The following GALR2 variants were observed in gnomAD, a reference collection of about 807,000 sequenced individuals.
GALR2 encodes galanin receptor 2, also known as galanin receptor type 2.
A neutral mutation model predicts 7.2 loss-of-function variants in GALR2; 5 were observed. The ratio of observed to expected loss-of-function variants is 0.69; its 90% CI spans 0.36 to 1.45. The LOEUF (loss-of-function observed/expected upper bound fraction) is 1.45. Among genes scored for constraint, GALR2 ranks in the 40% most tolerant of loss-of-function variants. The pLI is 0.03. For synonymous variants in GALR2, 300 were observed against 263.9 expected, an observed-to-expected ratio of 1.14 and a Z score of -1.32; for missense variants, 561 against 555.7, an observed-to-expected ratio of 1.01 and a Z score of -0.10.
At chr17:76,074,752 G>C, upstream of GALR2, 1 of 1,019,610 alleles carries the variant, frequency 9.8e-7, no homozygotes, top group East Asian at 2.8e-5. This position sits in a 1 kb window ranked among gnomAD's most constrained non-coding sequence, Gnocchi z 6.7. Context: ...CCCCAGATGA[G>C]GCAAGGCTCC....
chr17:76,077,190 C>A lies in GALR2; in HGVS notation c.923C>A (p.Ala308Glu), dbSNP rs377747977. 6.2e-7 allele frequency: 1 copy of A among 1,610,252 alleles called. No individual in the cohort carries two copies. The highest frequency in any genetic ancestry group is 1.3e-5 in the African/African-American group (1 of 74,988). The change falls in exon 2 of 2, where the codon GCG becomes GAG. Residue 308 changes from alanine (A) to glutamate (E), a missense_variant. Physicochemically the swap from Ala to Glu is moderately radical, Grantham distance 107. Transcript: ENST00000329003. ...CGCAAAGGCTTCCGCACGATCTGCG[C>A]GGGCCTGCTGGGCCGTGCCCCAGGC... ...HFRKGFRTICAGLLGRAPGRA... is the reference protein window; with the variant it reads ...HFRKGFRTICEGLLGRAPGRA...
Position 76,076,465 on chromosome 17 carries a change from C to T in GALR2, c.369-171C>T, listed in dbSNP as rs1160386252. ...GAGTGTCTGGGACACGCTGGGAGGC[C>T]CCCACCTCCGCCCTCACGCCGAGCC... On this transcript the variant is annotated intron_variant, in intron 1 of 1. Transcript: ENST00000329003. This position sits in a 1 kb window ranked among gnomAD's most constrained non-coding sequence, Gnocchi z 6.5. Among the ~76,000 whole-genome samples the T allele has an allele frequency of 6.6e-6, 1 of 152,128 alleles. No individual in the cohort carries two copies. The highest frequency in any genetic ancestry group is 2.4e-5 in the African/African-American group (1 of 41,418).
At position 76,077,163 on chromosome 17, in the gene GALR2, T is replaced by A. The variant is rs1405588448; in HGVS notation, c.896T>A (p.Phe299Tyr). Residue 299 changes from phenylalanine (F) to tyrosine (Y), a missense_variant, in exon 2 of 2, where the codon TTC (phenylalanine) becomes TAC (tyrosine). Phe to Tyr is a conservative substitution (Grantham distance 22). Transcript: ENST00000329003. Reference sequence around the variant, plus strand: ...GTTTACGCGCTGGTCTCCAAGCACTTCCGCAAAGGCTTCCGCACGATCTGC... The same window carrying A: ...GTTTACGCGCTGGTCTCCAAGCACTACCGCAAAGGCTTCCGCACGATCTGC... ...PIVYALVSKH[F>Y]RKGFRTICAG... The A allele has an allele frequency of 6.2e-7, 1 of 1,612,382 alleles. No individual in the cohort carries two copies. Among genetic ancestry groups the A allele is most frequent in the South Asian group, 1.1e-5 (1 of 90,992 alleles).
Position 76,076,691 on chromosome 17 carries a change from G to T in GALR2, c.424G>T (p.Ala142Ser). The change falls in exon 2 of 2, where the codon GCG becomes TCG. Residue 142 changes from alanine to serine, a missense_variant. By Grantham distance (99) the Ala-to-Ser change is moderately conservative. Coordinates refer to ENST00000329003, the MANE Select transcript of GALR2 (RefSeq NM_003857.4). This position sits in a 1 kb window ranked among gnomAD's most constrained non-coding sequence, Gnocchi z 6.5. ...CCGCGAGCTGCGCACGCCTCGAAAC[G>T]CGCTGGCAGCCATCGGGCTCATCTG... ...HSRELRTPRN[A>S]LAAIGLIWGL... 6.2e-7 allele frequency: 1 copy of T among 1,601,298 alleles called. No homozygotes were observed. Among genetic ancestry groups the T allele is most frequent in the Non-Finnish European group, 8.5e-7 (1 of 1,178,592 alleles).
chr17:76,074,910 C>T lies in GALR2; in HGVS notation c.27C>T (p.Ala9=), dbSNP rs1391178178. ...TGAACGTCTCGGGCTGCCCAGGGGCCGGGAACGCGAGCCAGGCGGGCGGCG... is the reference window on the plus strand; with the variant it reads ...TGAACGTCTCGGGCTGCCCAGGGGCTGGGAACGCGAGCCAGGCGGGCGGCG... The part of the protein sequence containing the change: MNVSGCPG[A]GNASQAGGGG... Residue 9 remains alanine (A), a synonymous_variant, in exon 1 of 2, where the codon GCC becomes GCT. Transcript: ENST00000329003. The surrounding 1 kb of genome is among the most constrained non-coding windows in gnomAD (Gnocchi z 6.7). 1.9e-6 allele frequency: 3 copies of T among 1,539,616 alleles called. No individual in the cohort carries two copies. The highest frequency in any genetic ancestry group is 2.4e-5 in the East Asian group (1 of 41,188).
chr17:76,071,982 C>CA, upstream of GALR2: 1 of 452,498 alleles, frequency 2.2e-6, no homozygotes, highest in Non-Finnish European at 3.9e-6. The surrounding 1 kb of genome is among the most constrained non-coding windows in gnomAD (Gnocchi z 4.7). Context: ...TTCAGTGGCT[C>CA]AAGGTGCCAA....
chr17:76,072,448 C>T, upstream of GALR2: 1 of 1,518,298 alleles, frequency 6.6e-7, no homozygotes, highest in Non-Finnish European at 8.9e-7. This position sits in a 1 kb window ranked among gnomAD's most constrained non-coding sequence, Gnocchi z 4.5. Flanking sequence ...GCCGCCACTG[C>T]CGCCGCCGCC....
chr17:76,074,742 C>T, upstream of GALR2: 2 of 893,726 alleles, frequency 2.2e-6, no homozygotes, highest in Non-Finnish European at 3.3e-6. The surrounding 1 kb of genome is among the most constrained non-coding windows in gnomAD (Gnocchi z 6.7). Flanking sequence ...CCCATCCCCG[C>T]CCCAGATGAG....
chr17:76,076,803 G>A lies in GALR2; in HGVS notation c.536G>A (p.Trp179Ter). The change falls in exon 2 of 2, where the codon TGG (tryptophan) becomes TAG (stop). Residue 179 changes from tryptophan (W) to a stop codon, truncating the protein, a stop_gained. Coordinates refer to ENST00000329003, the MANE Select transcript of GALR2 (RefSeq NM_003857.4). LOFTEE classifies it low-confidence loss of function (END_TRUNC). The surrounding 1 kb of genome is among the most constrained non-coding windows in gnomAD (Gnocchi z 6.5). ...AACCTGACCGTGTGCCATCCCGCGT[G>A]GAGCGCCCCTCGCCGCCGCGCCATG... ...LANLTVCHPA[W>*]SAPRRRAMDI... The A allele has an allele frequency of 6.2e-7, 1 of 1,605,810 alleles. No homozygotes were observed. The highest frequency in any genetic ancestry group is 1.3e-5 in the African/African-American group (1 of 75,048).
rs1238047161 is a variant in GALR2 at position 76,075,118 on chromosome 17, G to A, written c.235G>A (p.Val79Met). Residue 79 changes from valine to methionine, a missense_variant, in exon 1 of 2, where the codon GTG (valine) becomes ATG (methionine). Physicochemically the swap from Val to Met is conservative, Grantham distance 21. Transcript: ENST00000329003. This position sits in a 1 kb window ranked among gnomAD's most constrained non-coding sequence, Gnocchi z 5.9. The stretch of plus-strand genomic sequence containing the variant: ...CGACCTGTGTTTCATCCTGTGCTGC[G>A]TGCCCTTCCAGGCCACCATCTACAC... ...VADLCFILCC[V>M]PFQATIYTLD... is the part of the protein sequence containing the mutation. 1.9e-6 allele frequency: 3 copies of A among 1,612,318 alleles called. No individual in the cohort carries two copies. Among genetic ancestry groups the A allele is most frequent in the Non-Finnish European group, 2.5e-6 (3 of 1,180,008 alleles).
In GALR2 at chr17:76,074,853, G is replaced by A; in HGVS notation, c.-31G>A. On this transcript the variant is annotated 5_prime_UTR_variant, in exon 1 of 2. Coordinates refer to ENST00000329003, the MANE Select transcript of GALR2 (RefSeq NM_003857.4). The surrounding 1 kb of genome is among the most constrained non-coding windows in gnomAD (Gnocchi z 6.7). ...CTCGCGGAGACCCAGACGGCTGCAG[G>A]AGCCCGGGCAGCCTCGGGGTCAGCG... is the stretch of plus-strand genomic sequence containing the variant. 6.8e-7 allele frequency: 1 copy of A among 1,465,070 alleles called. No individual in the cohort carries two copies. Among genetic ancestry groups the A allele is most frequent in the African/African-American group, 1.4e-5 (1 of 70,706 alleles). The allele number at this position is 1,465,070 out of a possible 1,614,324, so 90.8% of individuals were successfully genotyped here.
upstream of GALR2, chr17:76,072,533 G>A (rs1177993395): frequency 6.4e-7 from 1 of 1,557,636 alleles, no homozygotes; most frequent in East Asian, 2.3e-5. The surrounding 1 kb of genome is among the most constrained non-coding windows in gnomAD (Gnocchi z 4.5). Flanking sequence ...AGGGGAGGCG[G>A]GACGACCTGG....
In GALR2 at chr17:76,075,799, C is replaced by T. The variant is rs2066885809; in HGVS notation, c.368+548C>T. On this transcript the variant is annotated intron_variant, in intron 1 of 1. Coordinates refer to ENST00000329003, the MANE Select transcript of GALR2 (RefSeq NM_003857.4). This position sits in a 1 kb window ranked among gnomAD's most constrained non-coding sequence, Gnocchi z 5.9. ...TTTGCAAGGATCCACTCCGGAGTCCCAGCGAGCGTGCCTAAAGGTCCCTAG... is the reference window on the plus strand; with the variant it reads ...TTTGCAAGGATCCACTCCGGAGTCCTAGCGAGCGTGCCTAAAGGTCCCTAG... Among the ~76,000 whole-genome samples the T allele has an allele frequency of 6.6e-6, 1 of 152,196 alleles. No homozygotes were observed.
chr17:76,075,085 G>A lies in GALR2; in HGVS notation c.202G>A (p.Gly68Ser). ...STTNLFILNLGVADLCFILCC... is the reference protein window; with the variant it reads ...STTNLFILNLSVADLCFILCC... The stretch of plus-strand genomic sequence containing the variant: ...TACCAACCTGTTCATCCTTAACCTG[G>A]GCGTGGCCGACCTGTGTTTCATCCT... Residue 68 changes from glycine (G) to serine (S), a missense_variant, in exon 1 of 2, where the codon GGC becomes AGC. Gly to Ser is a moderately conservative substitution (Grantham distance 56, BLOSUM62 0). Transcript: ENST00000329003. This position sits in a 1 kb window ranked among gnomAD's most constrained non-coding sequence, Gnocchi z 5.9. 1 of 1,612,140 alleles carries A rather than the reference G, an allele frequency of 6.2e-7. No individual in the cohort carries two copies. The highest frequency in any genetic ancestry group is 8.5e-7 in the Non-Finnish European group (1 of 1,180,002).
chr17:76,077,073 C>T lies in GALR2; in HGVS notation c.806C>T (p.Ala269Val), dbSNP rs1181875396. Residue 269 changes from alanine (A) to valine (V), a missense_variant, in exon 2 of 2, where the codon GCC becomes GTC. Physicochemically the swap from Ala to Val is moderately conservative, Grantham distance 64 (BLOSUM62 0). Coordinates refer to ENST00000329003, the MANE Select transcript of GALR2 (RefSeq NM_003857.4). Reference sequence around the variant, plus strand: ...TTCGGCCAGTTCCCGCTCACGCGCGCCACTTATGCGCTTCGCATCCTCTCG... The same window carrying T: ...TTCGGCCAGTTCCCGCTCACGCGCGTCACTTATGCGCTTCGCATCCTCTCG... Reference protein sequence around the residue: ...VWFGQFPLTRATYALRILSHL... With the variant: ...VWFGQFPLTRVTYALRILSHL... 6 of 1,612,978 alleles carry T rather than the reference C, an allele frequency of 3.7e-6. No individual in the cohort carries two copies. Among genetic ancestry groups the T allele is most frequent in the Admixed American group, 3.3e-5 (2 of 60,010 alleles).
chr17:76,076,842 T>G lies in GALR2; in HGVS notation c.575T>G (p.Phe192Cys), dbSNP rs369779116. ...CGCCGCGCCATGGACATCTGCACCTTCGTCTTCAGCTACCTGCTTCCTGTG... is the reference window on the plus strand; with the variant it reads ...CGCCGCGCCATGGACATCTGCACCTGCGTCTTCAGCTACCTGCTTCCTGTG... ...PRRRAMDICT[F>C]VFSYLLPVLV... Residue 192 changes from phenylalanine to cysteine, a missense_variant, in exon 2 of 2, where the codon TTC (phenylalanine) becomes TGC (cysteine). Physicochemically the swap from Phe to Cys is radical, Grantham distance 205. Coordinates refer to ENST00000329003, the MANE Select transcript of GALR2 (RefSeq NM_003857.4). The surrounding 1 kb of genome is among the most constrained non-coding windows in gnomAD (Gnocchi z 6.5). The G allele has an allele frequency of 2.4e-5, 38 of 1,605,076 alleles. No individual in the cohort carries two copies. Among genetic ancestry groups the G allele is most frequent in the South Asian group, 1.4e-4 (13 of 91,048 alleles).
upstream of GALR2, chr17:76,072,659 C>T: frequency 7.5e-7 from 1 of 1,336,940 alleles, no homozygotes; most frequent in Non-Finnish European, 9.8e-7. This position sits in a 1 kb window ranked among gnomAD's most constrained non-coding sequence, Gnocchi z 4.5. Flanking sequence ...GCGAGGGATC[C>T]TGTCATCCCG....
At position 76,077,138 on chromosome 17, in the gene GALR2, G is replaced by A. The variant is rs750365802; in HGVS notation, c.871G>A (p.Val291Ile). 31 of 1,612,678 alleles carry A rather than the reference G, an allele frequency of 1.9e-5. No individual in the cohort carries two copies. The Admixed American group carries it at 5.0e-4, about 26-fold the overall frequency. Residue 291 changes from valine (V) to isoleucine (I), a missense_variant, in exon 2 of 2, where the codon GTT becomes ATT. Val to Ile is a conservative substitution (Grantham distance 29, BLOSUM62 3). Transcript: ENST00000329003. ...CGCCAACTCCTGCGTCAACCCCATC[G>A]TTTACGCGCTGGTCTCCAAGCACTT... Reference protein sequence around the residue: ...SYANSCVNPIVYALVSKHFRK... With the variant: ...SYANSCVNPIIYALVSKHFRK...
chr17:76,075,152 G>A lies in GALR2; in HGVS notation c.269G>A (p.Gly90Asp). The A allele has an allele frequency of 6.2e-7, 1 of 1,612,290 alleles. No individual in the cohort carries two copies. Among genetic ancestry groups the A allele is most frequent in the Non-Finnish European group, 8.5e-7 (1 of 1,179,826 alleles). ...CAGGCCACCATCTACACCCTGGACG[G>A]CTGGGTGTTCGGCTCGCTGCTGTGC... is the stretch of plus-strand genomic sequence containing the variant. ...PFQATIYTLD[G>D]WVFGSLLCKA... Residue 90 changes from glycine (G) to aspartate (D), a missense_variant, in exon 1 of 2, where the codon GGC becomes GAC. By Grantham distance (94) the Gly-to-Asp change is moderately conservative. Transcript: ENST00000329003. The surrounding 1 kb of genome is among the most constrained non-coding windows in gnomAD (Gnocchi z 5.9).
Sources: gnomAD v4.1 joint callset for allele counts (sites outside exome capture counted in the v4.1 genomes callset) on GRCh38, gnomAD v4.1.1 for gene constraint, Gnocchi (gnomAD v3.1) non-coding constraint, MANE v1.5 for transcripts, NCBI Gene and HGNC (gene_info 2026-07-23, HGNC 2026-07-21) for gene names.